Variants in PPM1H observed in about 807,000 individuals in gnomAD.
The protein encoded by PPM1H is protein phosphatase, Mg2+/Mn2+ dependent 1H.
PPM1H carries 27 observed loss-of-function variants against 54.9 expected under a neutral mutation model. The ratio of observed to expected loss-of-function variants is 0.49; its 90% CI spans 0.36 to 0.68. PPM1H has a LOEUF of 0.68. Ranked by LOEUF, PPM1H falls within the 30% of genes least tolerant of loss-of-function variation. PPM1H has a pLI of 0.00. For synonymous variants in PPM1H, 305 were observed against 270.8 expected, an observed-to-expected ratio of 1.13 and a Z score of -1.24; for missense variants, 596 against 667.8, an observed-to-expected ratio of 0.89 and a Z score of 1.19.
intron 8 of PPM1H, among the ~76,000 whole-genome samples, chr12:62,667,955 C>A (rs1222706159): frequency 6.6e-6 from 1 of 152,176 alleles, no homozygotes; most frequent in Non-Finnish European, 1.5e-5. Context: ...AGGATGGGGG[C>A]TCTGACACTA....
intron 1 of PPM1H, among the ~76,000 whole-genome samples, chr12:62,918,690 A>G (rs1403260793): frequency 6.6e-6 from 1 of 152,220 alleles, no homozygotes; most frequent in Admixed American, 6.5e-5. Context: ...TGCTTTCAAT[A>G]GTAAAAACTT....
In PPM1H at chr12:62,869,704, A is replaced by G. The variant is rs190417462; in HGVS notation, c.246-37425T>C. ...CTCAATGCACTTGGGATAAAATTCA[A>G]AGTTCCGTAACCTGGCCTGAAACCG... is the stretch of plus-strand genomic sequence containing the variant. On this transcript the variant is annotated intron_variant, in intron 1 of 9. Transcript: ENST00000228705. Among the ~76,000 whole-genome samples the G allele has an allele frequency of 2.4e-4, 36 of 152,232 alleles. No individual in the cohort carries two copies. The East Asian group carries it at 6.5e-3, about 28-fold the overall frequency.
chr12:62,771,231 A>G (rs1426552902), intron 4 of PPM1H, among the ~76,000 whole-genome samples: 2 of 150,050 alleles, frequency 1.3e-5, no homozygotes, highest in African/African-American at 4.9e-5. Context: ...GAGAGCTGGA[A>G]AGAATATTAC....
chr12:62,756,733 G>A (rs1200908949), intron 4 of PPM1H, among the ~76,000 whole-genome samples: 3 of 151,962 alleles, frequency 2.0e-5, no homozygotes, highest in East Asian at 3.9e-4. Flanking sequence ...ACTGAATCTC[G>A]GAGGAGCCAA....
chr12:62,687,638 C>T (rs1488373436), intron 8 of PPM1H, among the ~76,000 whole-genome samples: 3 of 151,978 alleles, frequency 2.0e-5, no homozygotes, highest in South Asian at 2.1e-4. Context: ...TAAAACAGCA[C>T]CTGCTCTTGG....
intron 2 of PPM1H, among the ~76,000 whole-genome samples, chr12:62,805,250 T>G (rs2076799709): frequency 6.6e-6 from 1 of 152,176 alleles, no homozygotes. Context: ...GAAACTTCTG[T>G]CCTGTCAGTG....
At chr12:62,726,042 A>G (rs1449570631) in intron 5 of PPM1H, among the ~76,000 whole-genome samples, 1 of 152,160 alleles carries the variant, frequency 6.6e-6, no homozygotes, top group Non-Finnish European at 1.5e-5. Flanking sequence ...TACCTGTGAT[A>G]TATTTTTACC....
intron 2 of PPM1H, among the ~76,000 whole-genome samples, chr12:62,806,204 A>AG (rs1449033775): frequency 6.6e-6 from 1 of 152,162 alleles, no homozygotes; most frequent in East Asian, 1.9e-4. Context: ...AAGCCATTAA[A>AG]TAAAATTTTT....
At position 62,789,950 on chromosome 12, in the gene PPM1H, A is replaced by G. The variant is rs151133314; in HGVS notation, c.757-1612T>C. On this transcript the variant is annotated intron_variant, in intron 3 of 9. Coordinates refer to ENST00000228705, the MANE Select transcript of PPM1H (RefSeq NM_020700.2). The stretch of plus-strand genomic sequence containing the variant: ...TGAATGCCTGGCTAAAATAATGCCA[A>G]ATCTTCCAGTGGTAATCTACTACTT... 1.2e-3 allele frequency among the ~76,000 whole-genome samples: 176 copies of G among 152,386 alleles called. 1 individual carries two copies. Among genetic ancestry groups the G allele is most frequent in the Middle Eastern group, 3.4e-3 (1 of 294 alleles).
chr12:62,861,585 T>G (rs533937920), intron 1 of PPM1H, among the ~76,000 whole-genome samples: 1 of 152,340 alleles, frequency 6.6e-6, no homozygotes, highest in Non-Finnish European at 1.5e-5. Context: ...CATGTCTTAT[T>G]CTCCATTTTA....
At chr12:62,768,507 T>C (rs959475346) in intron 4 of PPM1H, among the ~76,000 whole-genome samples, 1 of 151,898 alleles carries the variant, frequency 6.6e-6, no homozygotes, top group South Asian at 2.1e-4. Context: ...TACAAAAAAT[T>C]AGCCAGGCAT....
At chr12:62,720,809 C>T (rs951251018) in intron 5 of PPM1H, 10 of 154,574 alleles carry the variant, frequency 6.5e-5, no homozygotes, top group Admixed American at 5.7e-4. Flanking sequence ...GTCATTTGAT[C>T]GTGTCATTCG....
intron 9 of PPM1H, among the ~76,000 whole-genome samples, chr12:62,650,842 C>G (rs982899076): frequency 8.5e-5 from 13 of 152,128 alleles, no homozygotes; most frequent in African/African-American, 2.9e-4. Flanking sequence ...TTGCCTCCCA[C>G]CAGGTCCCTC....
At chr12:62,815,835 T>C (rs1178319788) in intron 2 of PPM1H, among the ~76,000 whole-genome samples, 1 of 152,176 alleles carries the variant, frequency 6.6e-6, no homozygotes, top group Non-Finnish European at 1.5e-5. Context: ...TTCATGCTTA[T>C]CCAATCAGAG....
chr12:62,881,311 G>T (rs775679882), intron 1 of PPM1H, among the ~76,000 whole-genome samples: 74 of 152,092 alleles, frequency 4.9e-4, no homozygotes, highest in Non-Finnish European at 9.4e-4. Flanking sequence ...GCTGTGAAGG[G>T]ATTTTGCAGA....
At chr12:62,697,309 G>A (rs2076120276) in intron 6 of PPM1H, among the ~76,000 whole-genome samples, 2 of 151,944 alleles carry the variant, frequency 1.3e-5, no homozygotes, top group South Asian at 2.1e-4. Context: ...GTAGAGATAC[G>A]GTTTCACCAT....
intron 4 of PPM1H, among the ~76,000 whole-genome samples, chr12:62,771,795 T>C (rs1278778699): frequency 6.6e-6 from 1 of 152,204 alleles, no homozygotes; most frequent in Admixed American, 6.5e-5. Flanking sequence ...TATGTTTTAC[T>C]TATTTTGCCA....
chr12:62,892,080 C>T lies in PPM1H; in HGVS notation c.245+42412G>A, dbSNP rs1350930006. On this transcript the variant is annotated intron_variant, in intron 1 of 9. Coordinates refer to ENST00000228705, the MANE Select transcript of PPM1H (RefSeq NM_020700.2). ...AAACTTTTCACAGCCTCTGCTCATG[C>T]CTTTGATCTCTGTAGTACCTTTAAC... Among the ~76,000 whole-genome samples, 6 of 152,292 alleles carry T rather than the reference C, an allele frequency of 3.9e-5. 1 individual carries two copies. In the South Asian group the frequency reaches 1.0e-3, roughly 26 times the overall value.
chr12:62,893,270 A>C (rs1452421400), intron 1 of PPM1H, among the ~76,000 whole-genome samples: 1 of 152,178 alleles, frequency 6.6e-6, no homozygotes, highest in African/African-American at 2.4e-5. Context: ...TCAACAACAT[A>C]AATTTGTACC....
Sources: allele counts gnomAD v4.1 joint callset (sites outside exome capture counted in the v4.1 genomes callset), GRCh38; gene constraint gnomAD v4.1.1; transcripts MANE v1.5; gene names NCBI Gene and HGNC (gene_info 2026-07-23, HGNC 2026-07-21).